The following RAPGEF6 variants were observed in gnomAD, a reference collection of about 807,000 sequenced individuals.
RAPGEF6 encodes the protein PDZ domain containing guanine nucleotide exchange factor (GEF) 2.
Under a neutral mutation model 171.4 loss-of-function variants are expected in RAPGEF6, and 56 were observed. The ratio of observed to expected loss-of-function variants is 0.33; its 90% CI spans 0.26 to 0.41. The LOEUF (loss-of-function observed/expected upper bound fraction) is 0.41. RAPGEF6 is among the 10% of genes least tolerant of loss of function. RAPGEF6 has a pLI of 1.00. For missense variants in RAPGEF6, 1,674 were observed against 1,921.4 expected, an observed-to-expected ratio of 0.87 and a Z score of 2.41; for synonymous variants, 692 against 650.1, an observed-to-expected ratio of 1.06 and a Z score of -0.98.
intron 6 of RAPGEF6, among the ~76,000 whole-genome samples, chr5:131,530,284 A>G (rs1759288345): frequency 6.6e-6 from 1 of 152,130 alleles, no homozygotes; most frequent in African/African-American, 2.4e-5. Context: ...TCAAACTGCT[A>G]AAGAAAAAAG....
rs543294297 is a variant in RAPGEF6, at chr5:131,529,679, G to C, written c.496-8158C>G. ...TAATCCCAGCACTTTGGGAGGCCAAGGCATGAGGACTGCTTGAGTCCAGGA... is the reference window on the plus strand; with the variant it reads ...TAATCCCAGCACTTTGGGAGGCCAACGCATGAGGACTGCTTGAGTCCAGGA... On this transcript the variant is annotated intron_variant, in intron 6 of 27. Transcript: ENST00000509018. 2.5e-3 allele frequency among the ~76,000 whole-genome samples: 385 copies of C among 152,192 alleles called. 1 individual carries two copies. Among genetic ancestry groups the C allele is most frequent in the African/African-American group, 8.2e-3 (341 of 41,528 alleles).
intron 24 of RAPGEF6, chr5:131,435,807 T>C (rs894690884): frequency 4.4e-5 from 60 of 1,371,740 alleles, no homozygotes; most frequent in African/African-American, 2.9e-5. Context: ...AAATAACTTA[T>C]GTACAAATGA....
chr5:131,446,782 G>A, intron 21 of RAPGEF6, 79 bp from the exon 22 acceptor site: 12 of 1,319,288 alleles, frequency 9.1e-6, no homozygotes, highest in Non-Finnish European at 1.2e-5. Context: ...AAAAGATTTT[G>A]TTCTGTTAAT....
chr5:131,495,847 A>C (rs1272056644), intron 12 of RAPGEF6, among the ~76,000 whole-genome samples, 187 bp from the exon 13 acceptor site: 1 of 152,232 alleles, frequency 6.6e-6, no homozygotes, highest in Non-Finnish European at 1.5e-5. Context: ...TGTGCACAGA[A>C]GTAACAGAGC....
chr5:131,528,286 TAA>T lies in RAPGEF6; in HGVS notation c.496-6767_496-6766del. Among the ~76,000 whole-genome samples, 2 of 116,542 alleles carry T rather than the reference TAA, an allele frequency of 1.7e-5. 1 individual carries two copies. Among genetic ancestry groups the T allele is most frequent in the African/African-American group, 6.7e-5 (2 of 30,012 alleles). 76.5% of individuals were successfully genotyped at this position (116,542 alleles called of 152,430 possible). On this transcript the variant is annotated intron_variant, in intron 6 of 27. Transcript: ENST00000509018. ...ATAATATATTTATATTATATATATA[TAA>T]ATAAAATAAAATAATATATTTATAT...
rs1309797909 is a variant in RAPGEF6 at position 131,479,832 on chromosome 5, AAC to A, written c.1841-81_1841-80del. The A allele has an allele frequency of 1.7e-5, 24 of 1,423,838 alleles. No individual in the cohort carries two copies. In the Admixed American group the frequency reaches 1.8e-4, roughly 11 times the overall value. 88.2% of individuals were successfully genotyped at this position (1,423,838 alleles called of 1,614,324 possible). ...ATACCAACAACAAATTTTAAGGATAAACACAGTGACTTTCCATTATTTGAACT... is the reference window on the plus strand; with the variant it reads ...ATACCAACAACAAATTTTAAGGATAAACAGTGACTTTCCATTATTTGAACT... On this transcript the variant is annotated intron_variant, in intron 15 of 27. Transcript: ENST00000509018.
At chr5:131,514,831 G>A (rs1351044706) in intron 7 of RAPGEF6, among the ~76,000 whole-genome samples, 1 of 152,158 alleles carries the variant, frequency 6.6e-6, no homozygotes, top group Admixed American at 6.5e-5. Flanking sequence ...GTACACAGAA[G>A]ACTCATCCCC....
intron 24 of RAPGEF6, among the ~76,000 whole-genome samples, chr5:131,438,988 T>C (rs1485476674): frequency 6.6e-6 from 1 of 152,130 alleles, no homozygotes; most frequent in Non-Finnish European, 1.5e-5. Flanking sequence ...AGTGGCATGA[T>C]CACAGCTCAC....
chr5:131,615,078 T>C (rs1476633610), intron 1 of RAPGEF6, among the ~76,000 whole-genome samples: 1 of 152,240 alleles, frequency 6.6e-6, no homozygotes, highest in Non-Finnish European at 1.5e-5. Context: ...TAATAGGTCC[T>C]ACAGGTGATT....
intron 4 of RAPGEF6, among the ~76,000 whole-genome samples, chr5:131,589,070 A>G (rs983125965): frequency 8.9e-5 from 13 of 145,928 alleles, no homozygotes; most frequent in Non-Finnish European, 2.0e-4. Context: ...ACTCTGTCTT[A>G]AAAAAAAAAA....
chr5:131,583,639 A>G (rs978086353), intron 4 of RAPGEF6, among the ~76,000 whole-genome samples: 8 of 152,164 alleles, frequency 5.3e-5, no homozygotes, highest in African/African-American at 1.9e-4. Context: ...TCCCTTCCAC[A>G]TACTGATTTG....
chr5:131,604,783 C>T, intron 1 of RAPGEF6, 90 bp from the exon 2 acceptor site: 12 of 1,407,542 alleles, frequency 8.5e-6, no homozygotes, highest in African/African-American at 1.5e-5. Flanking sequence ...AAGCAAACAA[C>T]CACTTATGGC....
chr5:131,530,717 T>C (rs1315254353), intron 6 of RAPGEF6, among the ~76,000 whole-genome samples: 1 of 152,206 alleles, frequency 6.6e-6, no homozygotes, highest in Non-Finnish European at 1.5e-5. Flanking sequence ...TAGAAGCTGA[T>C]TTTGAAATTT....
Position 131,464,285 on chromosome 5 carries a change from C to T in RAPGEF6, c.2240-4G>A. On this transcript the variant is annotated splice_region_variant and splice_polypyrimidine_tract_variant and intron_variant, in intron 17 of 27. Transcript: ENST00000509018. ...CTTATAACTTGATCAGGGATATCTA[C>T]ATAAATAGAAAGATATGCTTTGTTA... 1 of 1,605,132 alleles carries T rather than the reference C, an allele frequency of 6.2e-7. No individual in the cohort carries two copies. The highest frequency in any genetic ancestry group is 8.5e-7 in the Non-Finnish European group (1 of 1,173,378).
chr5:131,500,220 G>A (rs1380739214), intron 11 of RAPGEF6, among the ~76,000 whole-genome samples: 1 of 152,122 alleles, frequency 6.6e-6, no homozygotes, highest in Non-Finnish European at 1.5e-5. Flanking sequence ...TAAAAATAAG[G>A]TACGAAAATC....
rs951723317 is a variant in RAPGEF6, at chr5:131,582,948, G to A, written c.281+9435C>T. 3.9e-5 allele frequency among the ~76,000 whole-genome samples: 6 copies of A among 152,280 alleles called. No individual in the cohort carries two copies. The South Asian group carries it at 1.0e-3, about 26-fold the overall frequency. On this transcript the variant is annotated intron_variant, in intron 4 of 27. Transcript: ENST00000509018. ...TAGGTATTTTTCAAAATATATGAAA[G>A]TATGTATTCACATAAACACGTACAA...
At chr5:131,528,086 ATGT>A in intron 6 of RAPGEF6, among the ~76,000 whole-genome samples, 3 of 131,922 alleles carry the variant, frequency 2.3e-5, no homozygotes, top group African/African-American at 6.0e-5. Context: ...TTTATATTAT[ATGT>A]AATATAAATT....
At chr5:131,539,377 C>A (rs1759984013) in intron 6 of RAPGEF6, among the ~76,000 whole-genome samples, 1 of 152,154 alleles carries the variant, frequency 6.6e-6, no homozygotes, top group Admixed American at 6.5e-5. Flanking sequence ...ATTCTAAATT[C>A]TCCTAATGAT....
rs1291602 is a variant in RAPGEF6 at position 131,430,969 on chromosome 5, T to C, written c.4355A>G (p.Gln1452Arg). The change falls in exon 26 of 28, where the codon CAG becomes CGG. Residue 1452 changes from glutamine to arginine, a missense_variant. Transcript: ENST00000509018. ...TYEPNYGTVK[Q>R]RVLESTPAES... is the part of the protein sequence containing the mutation. ...AGCTGGGGTGCTCTCCAATACTCTC[T>C]GTTTAACTGTCCCATAGTTTGGTTC... 0.85 allele frequency: 1,373,981 copies of C among 1,614,014 alleles called. 585,619 individuals are homozygous for C. The highest frequency in any genetic ancestry group is 0.96 in the African/African-American group (72,144 of 75,018).
Sources: allele counts gnomAD v4.1 joint callset (sites outside exome capture counted in the v4.1 genomes callset), GRCh38; gene constraint gnomAD v4.1.1; transcripts MANE v1.5; gene names NCBI Gene and HGNC (gene_info 2026-07-23, HGNC 2026-07-21).